The following CCDC152 variants were observed in gnomAD, a reference collection of about 807,000 sequenced individuals.
CCDC152 encodes the protein coiled-coil domain-containing protein 152.
A neutral mutation model predicts 38.1 loss-of-function variants in CCDC152; 37 were observed. The observed-to-expected ratio is 0.97, with a 90% CI of 0.75 to 1.28. The LOEUF (loss-of-function observed/expected upper bound fraction) is 1.28, where lower values mean the gene tolerates loss of function less well. CCDC152 is among the 50% of genes most tolerant of loss of function. The pLI is 0.00. For missense variants in CCDC152, 259 were observed against 292.1 expected (o/e 0.89, Z 0.83); for synonymous variants, 83 against 87.1 (o/e 0.95, Z 0.26).
intron 4 of CCDC152, among the ~76,000 whole-genome samples, chr5:42,774,959 C>T (rs1035696176): frequency 6.0e-5 from 9 of 150,854 alleles, no homozygotes; most frequent in East Asian, 3.9e-4. Context: ...AATAATTTCT[C>T]AGTTTCAGGA....
chr5:42,767,938 T>C (rs1047834211), intron 3 of CCDC152, among the ~76,000 whole-genome samples: 20 of 152,190 alleles, frequency 1.3e-4, no homozygotes, highest in African/African-American at 4.6e-4. Context: ...TTCTGTCAAA[T>C]GTAATTTAAC....
chr5:42,761,432 TG>T (rs902854743), intron 2 of CCDC152, among the ~76,000 whole-genome samples: 5 of 151,866 alleles, frequency 3.3e-5, no homozygotes, highest in African/African-American at 1.2e-4. Flanking sequence ...CTGGGCAACA[TG>T]GTGAAACCCT....
chr5:42,794,035 C>A (rs1169109313), intron 6 of CCDC152, among the ~76,000 whole-genome samples: 1 of 152,150 alleles, frequency 6.6e-6, no homozygotes, highest in African/African-American at 2.4e-5. Context: ...ATTAGATACA[C>A]TGGAGATAGA....
At position 42,796,792 on chromosome 5, in the gene CCDC152, T is replaced by G; in HGVS notation, c.431-37T>G. 3.1e-6 allele frequency: 4 copies of G among 1,306,892 alleles called. No homozygotes were observed. The South Asian group carries it at 4.8e-5, about 16-fold the overall frequency. The allele number at this position is 1,306,892 out of a possible 1,614,324, so 81.0% of individuals were successfully genotyped here. ...ACAAACTTATAATAATTTTGAAATT[T>G]TTAACAAATGAATTTTATTTATTTC... On this transcript the variant is annotated intron_variant, in intron 6 of 8. Transcript: ENST00000361970.
rs550031817 is a variant in CCDC152 at position 42,800,371 on chromosome 5, C to G, written c.*590C>G. 8 of 175,736 alleles carry G rather than the reference C, an allele frequency of 4.6e-5. No individual in the cohort carries two copies. Among genetic ancestry groups the G allele is most frequent in the Non-Finnish European group, 8.3e-5 (7 of 84,292 alleles). 10.9% of individuals were successfully genotyped at this position (175,736 alleles called of 1,614,324 possible). A position where few individuals can be genotyped will look rare whatever the true frequency, so the allele number is the denominator to read the frequency against. ...GTAAAGAAAAAAATGGAAAGCATGT[C>G]TTTGTTGTTCTTCCTCCATTCTAAA... On this transcript the variant is annotated 3_prime_UTR_variant, in exon 9 of 9. Transcript: ENST00000361970.
Position 42,801,283 on chromosome 5 carries a change from C to A in CCDC152, c.*1502C>A, listed in dbSNP as rs766490728. The A allele has an allele frequency of 6.2e-7, 1 of 1,613,590 alleles. No homozygotes were observed. Among genetic ancestry groups the A allele is most frequent in the Admixed American group, 1.7e-5 (1 of 59,976 alleles). ...GGCGATGGAGTTTCAACTGTTTTAT[C>A]CACAGTAGCCAAAGATACACGTTTA... On this transcript the variant is annotated 3_prime_UTR_variant, in exon 9 of 9. Transcript: ENST00000361970.
At chr5:42,788,606 C>A (rs1759956903) in intron 6 of CCDC152, among the ~76,000 whole-genome samples, 1 of 152,056 alleles carries the variant, frequency 6.6e-6, no homozygotes, top group Non-Finnish European at 1.5e-5. Context: ...ATATTTTTGC[C>A]ATTTGCTTGT....
rs1760206864 is a variant in CCDC152, at chr5:42,801,684, A to G, written c.*1903A>G. On this transcript the variant is annotated 3_prime_UTR_variant, in exon 9 of 9. Coordinates refer to ENST00000361970, the MANE Select transcript of CCDC152 (RefSeq NM_001134848.2). Reference sequence around the variant, plus strand: ...GTAATCCCACCACTTTGGGTGGCCGAGGGGGGCAGATTACTTGGGCTCAGG... The same window carrying G: ...GTAATCCCACCACTTTGGGTGGCCGGGGGGGGCAGATTACTTGGGCTCAGG... 1.4e-5 allele frequency: 4 copies of G among 280,128 alleles called. No homozygotes were observed. The highest frequency in any genetic ancestry group is 5.1e-5 in the Admixed American group (1 of 19,508). 17.4% of individuals were successfully genotyped at this position (280,128 alleles called of 1,614,324 possible).
chr5:42,782,822 ATGT>A (rs138501481), intron 5 of CCDC152, among the ~76,000 whole-genome samples: 39,181 of 151,752 alleles, frequency 0.26, 5,619 homozygotes, highest in Admixed American at 0.38. Context: ...TTAAAACATC[ATGT>A]TGTACATCAT....
rs1579704694 is a variant in CCDC152 at position 42,762,519 on chromosome 5, T to C, written c.164T>C (p.Met55Thr). Reference protein sequence around the residue: ...LEKSNCLLKVMQAKEVSIKEE... With the variant: ...LEKSNCLLKVTQAKEVSIKEE... ...AAAAGTAATTGCCTATTAAAAGTAA[T>C]GCAAGCAAAGGAGGTCTCCATTAAA... The change falls in exon 3 of 9, where the codon ATG (methionine) becomes ACG (threonine). Residue 55 changes from methionine to threonine, a missense_variant. By Grantham distance (81) the Met-to-Thr change is moderately conservative. Coordinates refer to ENST00000361970, the MANE Select transcript of CCDC152 (RefSeq NM_001134848.2). 6.5e-7 allele frequency: 1 copy of C among 1,536,622 alleles called. No individual in the cohort carries two copies. Among genetic ancestry groups the C allele is most frequent in the African/African-American group, 1.4e-5 (1 of 72,708 alleles).
Position 42,796,906 on chromosome 5 carries a change from A to G in CCDC152, c.508A>G (p.Arg170Gly), listed in dbSNP as rs1220893509. Residue 170 changes from arginine (R) to glycine (G), a missense_variant, in exon 7 of 9, where the codon AGA becomes GGA. Arg to Gly is a moderately radical substitution (Grantham distance 125, BLOSUM62 -2). Transcript: ENST00000361970. ...AATTTCAGAGTTAAATGCAAAGCTA[A>G]GAAGTCAAGAAAAAGAAAAACAAAA... is the stretch of plus-strand genomic sequence containing the variant. ...MEISELNAKL[R>G]SQEKEKQNEI... is the part of the protein sequence containing the mutation. 6.5e-7 allele frequency: 1 copy of G among 1,531,698 alleles called. No homozygotes were observed. The highest frequency in any genetic ancestry group is 8.8e-7 in the Non-Finnish European group (1 of 1,141,482). The allele number at this position is 1,531,698 out of a possible 1,614,324, so 94.9% of individuals were successfully genotyped here.
intron 3 of CCDC152, among the ~76,000 whole-genome samples, chr5:42,765,634 G>T (rs984100202): frequency 2.0e-5 from 3 of 152,088 alleles, no homozygotes; most frequent in African/African-American, 7.2e-5. Context: ...GCTCATTTTT[G>T]ACAAAGGTGC....
At chr5:42,790,140 A>G (rs375649569) in intron 6 of CCDC152, among the ~76,000 whole-genome samples, 1 of 152,242 alleles carries the variant, frequency 6.6e-6, no homozygotes, top group African/African-American at 2.4e-5. Flanking sequence ...CAACAAGGAA[A>G]TGGCAAAAAT....
intron 6 of CCDC152, among the ~76,000 whole-genome samples, chr5:42,793,414 A>G (rs1760031666): frequency 6.6e-6 from 1 of 152,206 alleles, no homozygotes; most frequent in Non-Finnish European, 1.5e-5. Context: ...CTCAAAAGAG[A>G]TTTTGCTATA....
chr5:42,758,088 G>T (rs1220238736), intron 1 of CCDC152, among the ~76,000 whole-genome samples: 3 of 152,194 alleles, frequency 2.0e-5, no homozygotes, highest in Non-Finnish European at 4.4e-5. Context: ...ATATGTAGTT[G>T]TGCTTGCATA....
chr5:42,800,586 C>T lies in CCDC152; in HGVS notation c.*805C>T. On this transcript the variant is annotated 3_prime_UTR_variant, in exon 9 of 9. Transcript: ENST00000361970. ...TGACATAAAATTTAAAATCTGGAAG[C>T]CAATTCAGTAGATTTCTCCATGTTT... The T allele has an allele frequency of 9.2e-7, 1 of 1,087,270 alleles. No individual in the cohort carries two copies. The highest frequency in any genetic ancestry group is 1.3e-6 in the Non-Finnish European group (1 of 776,124). 67.4% of individuals were successfully genotyped at this position (1,087,270 alleles called of 1,614,324 possible).
At chr5:42,767,748 G>A (rs190104075) in intron 3 of CCDC152, among the ~76,000 whole-genome samples, 1 of 152,052 alleles carries the variant, frequency 6.6e-6, no homozygotes, top group East Asian at 1.9e-4. Flanking sequence ...TCAGTTGCAG[G>A]GTTCTGTTCT....
chr5:42,768,604 A>G (rs529924335), intron 3 of CCDC152, among the ~76,000 whole-genome samples: 1 of 152,322 alleles, frequency 6.6e-6, no homozygotes, highest in African/African-American at 2.4e-5. Context: ...TTGGAACACT[A>G]CTTACTGAGT....
chr5:42,769,106 A>G (rs747242302), intron 3 of CCDC152, among the ~76,000 whole-genome samples: 19 of 152,004 alleles, frequency 1.2e-4, no homozygotes, highest in Non-Finnish European at 2.5e-4. Context: ...AAAACTAGCC[A>G]GACATGGTGA....
Sources: gnomAD v4.1 joint callset for allele counts (sites outside exome capture counted in the v4.1 genomes callset) on GRCh38, gnomAD v4.1.1 for gene constraint, MANE v1.5 for transcripts, NCBI Gene and HGNC (gene_info 2026-07-23, HGNC 2026-07-21) for gene names.